The following CHD7 variants were observed in gnomAD, a reference collection of about 807,000 sequenced individuals.
The protein encoded by CHD7 is ATP-dependent chromatin remodeler CHD7.
A neutral mutation model predicts 307.3 loss-of-function variants in CHD7; 24 were observed. That is an observed-to-expected ratio of 0.08 (90% CI 0.06 to 0.11). The LOEUF (loss-of-function observed/expected upper bound fraction) is 0.11. Ranked by LOEUF, CHD7 falls within the 10% of genes least tolerant of loss-of-function variation. The pLI, the probability that CHD7 is intolerant of heterozygous loss-of-function variation, is 1.00. For synonymous variants in CHD7, 1,363 were observed against 1,349.9 expected (o/e 1.01, Z -0.21); for missense variants, 3,106 against 3,727.1 (o/e 0.83, Z 4.34).
chr8:60,811,688 T>C (rs1024989657), intron 7 of CHD7, among the ~76,000 whole-genome samples: 3 of 152,194 alleles, frequency 2.0e-5, no homozygotes, highest in African/African-American at 7.2e-5. Flanking sequence ...GGCTTCCAGG[T>C]GAATTCCCGG....
intron 6 of CHD7, among the ~76,000 whole-genome samples, chr8:60,803,522 C>T (rs1286709302): frequency 2.6e-5 from 4 of 152,078 alleles, no homozygotes; most frequent in African/African-American, 9.7e-5. Context: ...TTAAAAATCA[C>T]TGTACAGGAG....
intron 3 of CHD7, among the ~76,000 whole-genome samples, chr8:60,783,243 C>G (rs1056860071): frequency 6.6e-6 from 1 of 152,018 alleles, no homozygotes. Flanking sequence ...CTTAGCATAC[C>G]CTTACCTCTT....
intron 1 of CHD7, among the ~76,000 whole-genome samples, chr8:60,700,036 G>A (rs1255390551): frequency 2.0e-5 from 3 of 151,928 alleles, no homozygotes; most frequent in South Asian, 2.1e-4. Flanking sequence ...CTCCATGTTG[G>A]TTTGGCTGCT....
At position 60,823,932 on chromosome 8, in the gene CHD7, A is replaced by C. The variant is rs760166848; in HGVS notation, c.3294A>C (p.Pro1098=). The C allele has an allele frequency of 2.3e-5, 37 of 1,613,818 alleles. No individual in the cohort carries two copies. In the Admixed American group the frequency reaches 6.0e-4, roughly 26 times the overall value. The part of the protein sequence containing the change: ...LTDCPELRNI[P]WRCVVIDEAH... Reference sequence around the variant, plus strand: ...ATTGTCCTGAGCTGCGGAATATTCCATGGCGCTGTGTAGTCATTGATGAAG... The same window carrying C: ...ATTGTCCTGAGCTGCGGAATATTCCCTGGCGCTGTGTAGTCATTGATGAAG... Residue 1098 remains proline (P), a synonymous_variant, in exon 13 of 38, where the codon CCA becomes CCC. Transcript: ENST00000423902.
intron 1 of CHD7, among the ~76,000 whole-genome samples, chr8:60,698,130 T>C (rs2150501787): frequency 6.6e-6 from 1 of 152,332 alleles, no homozygotes; most frequent in Admixed American, 6.5e-5. Context: ...AATTATCAAG[T>C]ATTTGAGTAT....
chr8:60,751,923 C>T (rs1359749685), intron 2 of CHD7, among the ~76,000 whole-genome samples: 2 of 152,172 alleles, frequency 1.3e-5, no homozygotes, highest in African/African-American at 2.4e-5. Context: ...ATTTCCAGGA[C>T]GATGGGAGTG....
At chr8:60,685,438 T>G (rs113848920) in intron 1 of CHD7, among the ~76,000 whole-genome samples, 4 of 152,304 alleles carry the variant, frequency 2.6e-5, no homozygotes, top group African/African-American at 9.6e-5. Flanking sequence ...CACATTTTGT[T>G]CTTCTGTATG....
At chr8:60,812,874 C>T (rs1210983888) in intron 7 of CHD7, among the ~76,000 whole-genome samples, 1 of 151,742 alleles carries the variant, frequency 6.6e-6, no homozygotes. Flanking sequence ...AGATCTATTT[C>T]CCTAGTAGCT....
chr8:60,788,352 G>C (rs1026185153), intron 3 of CHD7, among the ~76,000 whole-genome samples: 8 of 151,900 alleles, frequency 5.3e-5, no homozygotes, highest in African/African-American at 1.7e-4. Context: ...TGTTACCCAG[G>C]CTGGTCTCGA....
At chr8:60,688,413 T>A (rs1450712963) in intron 1 of CHD7, among the ~76,000 whole-genome samples, 1 of 152,242 alleles carries the variant, frequency 6.6e-6, no homozygotes, top group Non-Finnish European at 1.5e-5. Context: ...CTTTTACTTT[T>A]GTTTTAAAAA....
intron 4 of CHD7, among the ~76,000 whole-genome samples, chr8:60,799,816 T>C (rs1647162289): frequency 6.6e-6 from 1 of 152,244 alleles, no homozygotes; most frequent in East Asian, 1.9e-4. Flanking sequence ...GGAACTAGAT[T>C]TGTTATTTCC....
chr8:60,760,562 C>A (rs1810136001), intron 2 of CHD7, among the ~76,000 whole-genome samples: 1 of 144,640 alleles, frequency 6.9e-6, no homozygotes, highest in East Asian at 2.0e-4. Context: ...AGGCAACCTA[C>A]AAAATGGGAG....
rs1811232654 is a variant in CHD7 at position 60,781,542 on chromosome 8, A to G, written c.2096+112A>G. On this transcript the variant is annotated intron_variant, in intron 3 of 37. Transcript: ENST00000423902. Reference sequence around the variant, plus strand: ...GGGAGGGGACACAATGATTTTTGTCATCATTGAGTTTCTTTCCCTAATATC... The same window carrying G: ...GGGAGGGGACACAATGATTTTTGTCGTCATTGAGTTTCTTTCCCTAATATC... 6 of 1,367,070 alleles carry G rather than the reference A, an allele frequency of 4.4e-6. No homozygotes were observed. In the South Asian group the frequency reaches 5.3e-5, roughly 12 times the overall value. 84.7% of individuals were successfully genotyped at this position (1,367,070 alleles called of 1,614,324 possible). A position where few individuals can be genotyped will look rare whatever the true frequency, so the allele number is the denominator to read the frequency against.
intron 2 of CHD7, among the ~76,000 whole-genome samples, chr8:60,763,454 T>C (rs904020358): frequency 3.3e-5 from 5 of 151,850 alleles, no homozygotes; most frequent in Non-Finnish European, 7.4e-5. Flanking sequence ...ATTAAGACAG[T>C]GTGGGTGGGG....
At position 60,801,583 on chromosome 8, in the gene CHD7, T is replaced by C. The variant is rs1586352931; in HGVS notation, c.2432T>C (p.Val811Ala). 1 of 1,572,720 alleles carries C rather than the reference T, an allele frequency of 6.4e-7. No homozygotes were observed. The highest frequency in any genetic ancestry group is 8.6e-7 in the Non-Finnish European group (1 of 1,157,554). The change falls in exon 6 of 38, where the codon GTA (valine) becomes GCA (alanine). Residue 811 changes from valine (V) to alanine (A), a missense_variant. This residue lies in a region of CHD7 where 188 missense variants were observed against 261.7 expected (regional missense o/e 0.72). Transcript: ENST00000423902. Reference sequence around the variant, plus strand: ...GAAAAAATTATGAGCAGTCGTTCAGTAAAAAAGCAGGTGAGTGCCATTGGA... The same window carrying C: ...GAAAAAATTATGAGCAGTCGTTCAGCAAAAAAGCAGGTGAGTGCCATTGGA... Reference protein sequence around the residue: ...VVEKIMSSRSVKKQKESGEEV... With the variant: ...VVEKIMSSRSAKKQKESGEEV...
At chr8:60,760,727 A>G (rs1417646039) in intron 2 of CHD7, among the ~76,000 whole-genome samples, 1 of 151,334 alleles carries the variant, frequency 6.6e-6, no homozygotes, top group African/African-American at 2.4e-5. Flanking sequence ...TATGCAGCCA[A>G]AAAACACATG....
chr8:60,705,985 A>G (rs1807005178), intron 1 of CHD7, among the ~76,000 whole-genome samples: 1 of 152,236 alleles, frequency 6.6e-6, no homozygotes, highest in African/African-American at 2.4e-5. Context: ...TGCATATAGT[A>G]GATGGATGAA....
At chr8:60,858,668 C>T (rs967835052) in intron 34 of CHD7, among the ~76,000 whole-genome samples, 7 of 152,174 alleles carry the variant, frequency 4.6e-5, no homozygotes, top group Non-Finnish European at 1.0e-4. Context: ...AGCACAATGG[C>T]GCAGTCTCGG....
At chr8:60,854,551 T>C in intron 32 of CHD7, 28 bp downstream of exon 32, 1 of 1,563,210 alleles carries the variant, frequency 6.4e-7, no homozygotes, top group East Asian at 2.3e-5. Flanking sequence ...GCTGTTGTTT[T>C]GCTGACCAAA....
Sources: gnomAD v4.1 joint callset for allele counts (sites outside exome capture counted in the v4.1 genomes callset) on GRCh38, gnomAD v4.1.1 for gene constraint, gnomAD v4.1.1 regional missense constraint, MANE v1.5 for transcripts, NCBI Gene and HGNC (gene_info 2026-07-23, HGNC 2026-07-21) for gene names.